The following C12orf42 variants were observed in gnomAD, a reference collection of about 807,000 sequenced individuals.
The protein encoded by C12orf42 is chromosome 12 open reading frame 42.
In C12orf42, 25 loss-of-function variants were observed where a neutral mutation model predicts 21.6. That is an observed-to-expected ratio of 1.16 (90% CI 0.84 to 1.62). The LOEUF (loss-of-function observed/expected upper bound fraction) is 1.62. Among genes scored for constraint, C12orf42 ranks in the 40% most tolerant of loss-of-function variants. The probability of loss-of-function intolerance (pLI) is 0.00; values close to 1 mark genes in which losing one functional copy is unlikely to be tolerated. For missense variants in C12orf42, 483 were observed against 459.3 expected (o/e 1.05, Z -0.47); for synonymous variants, 174 against 175.0 (o/e 0.99, Z 0.05).
At chr12:103,095,184 C>T in the C12orf42 span, among the ~76,000 whole-genome samples, 1 of 152,176 alleles carries the variant, frequency 6.6e-6, no homozygotes, top group Non-Finnish European at 1.5e-5. Context: ...AACACAGCAG[C>T]TGAAGTGATC....
At chr12:103,310,190 G>A (rs2038830642) in intron 4 of C12orf42, among the ~76,000 whole-genome samples, 1 of 152,172 alleles carries the variant, frequency 6.6e-6, no homozygotes, top group South Asian at 2.1e-4. Context: ...TCTTGTGATA[G>A]TGAGTGAGTT....
upstream of C12orf42, among the ~76,000 whole-genome samples, chr12:103,497,277 C>G (rs571338151): frequency 3.0e-4 from 45 of 152,186 alleles, no homozygotes; most frequent in Middle Eastern, 3.4e-3. Context: ...AAAATTCTAC[C>G]CACCATTTTA....
At chr12:103,334,796 A>C (rs2041546689) in intron 4 of C12orf42, among the ~76,000 whole-genome samples, 1 of 152,204 alleles carries the variant, frequency 6.6e-6, no homozygotes, top group Non-Finnish European at 1.5e-5. Context: ...TGCGCCAACC[A>C]CCATATGGCG....
At chr12:103,158,741 G>A in the C12orf42 span, among the ~76,000 whole-genome samples, 2,537 of 151,992 alleles carry the variant, frequency 0.017, 28 homozygotes, top group South Asian at 0.034. Context: ...TTAGCTGGGC[G>A]TGGTGGCAGG....
chr12:103,163,156 GC>G, the C12orf42 span, among the ~76,000 whole-genome samples: 1 of 152,170 alleles, frequency 6.6e-6, no homozygotes, highest in Non-Finnish European at 1.5e-5. Flanking sequence ...TGAACAAGGA[GC>G]AGTTGAATTA....
chr12:103,400,916 G>T (rs1362781032), intron 3 of C12orf42, among the ~76,000 whole-genome samples: 1 of 152,172 alleles, frequency 6.6e-6, no homozygotes, highest in Admixed American at 6.5e-5. Context: ...GGAAGGAAAT[G>T]AAGGTGATTA....
chr12:103,306,157 T>C lies in C12orf42; in HGVS notation c.448A>G (p.Thr150Ala). The stretch of plus-strand genomic sequence containing the variant: ...GGTGCTCCTCTGGCTCTCTCCTCAG[T>C]TTCTCCTCTGGCAGTAAAAATCAAT... The part of the protein sequence containing the change: ...APLIFTARGE[T>A]EERARGAPKQ... Residue 150 changes from threonine to alanine, a missense_variant, in exon 5 of 6, where the codon ACT (threonine) becomes GCT (alanine). Transcript: ENST00000548883. 2 of 1,613,916 alleles carry C rather than the reference T, an allele frequency of 1.2e-6. No homozygotes were observed. The highest frequency in any genetic ancestry group is 1.7e-6 in the Non-Finnish European group (2 of 1,179,866).
intron 3 of C12orf42, among the ~76,000 whole-genome samples, chr12:103,390,023 C>T (rs760652403): frequency 2.0e-5 from 3 of 152,160 alleles, no homozygotes; most frequent in Non-Finnish European, 4.4e-5. Flanking sequence ...TTGCTAGGTA[C>T]ACAACACTAG....
chr12:103,489,037 T>C (rs1360243316), intron 1 of C12orf42, among the ~76,000 whole-genome samples: 1 of 152,390 alleles, frequency 6.6e-6, no homozygotes, highest in East Asian at 1.9e-4. Context: ...ACTCTGATTT[T>C]AGAATTCTTA....
chr12:103,411,359 C>G (rs2048831363), intron 2 of C12orf42, among the ~76,000 whole-genome samples: 1 of 152,144 alleles, frequency 6.6e-6, no homozygotes, highest in African/African-American at 2.4e-5. Flanking sequence ...TGTATTCTTA[C>G]CATGACACTC....
At chr12:103,136,617 T>C in the C12orf42 span, among the ~76,000 whole-genome samples, 1 of 152,188 alleles carries the variant, frequency 6.6e-6, no homozygotes, top group Non-Finnish European at 1.5e-5. Flanking sequence ...AGCATCAGAC[T>C]ACCTGACTTC....
intron 4 of C12orf42, among the ~76,000 whole-genome samples, chr12:103,317,910 C>A (rs1432189697): frequency 6.6e-6 from 1 of 152,078 alleles, no homozygotes; most frequent in Non-Finnish European, 1.5e-5. Flanking sequence ...AGCCCCAGAC[C>A]CACCCAATTT....
intron 4 of C12orf42, among the ~76,000 whole-genome samples, chr12:103,318,531 AT>A (rs1265608620): frequency 2.2e-4 from 34 of 152,164 alleles, no homozygotes; most frequent in African/African-American, 8.2e-4. Flanking sequence ...TGTTTTTTGA[AT>A]TTTTGCCTCT....
At chr12:103,294,474 T>TAAGCAAGC (rs769684000) in intron 4 of C12orf42, among the ~76,000 whole-genome samples, 2,692 of 79,940 alleles carry the variant, frequency 0.034, 114 homozygotes, top group African/African-American at 0.11. Context: ...AAGAAAGAAA[T>TAAGCAAGC]AAGCAAGCAA....
chr12:103,328,005 G>C (rs1353793592), intron 4 of C12orf42, among the ~76,000 whole-genome samples: 2 of 152,204 alleles, frequency 1.3e-5, no homozygotes. Flanking sequence ...CTGAATTCAA[G>C]TGTGTAGAAG....
chr12:103,379,949 C>T (rs918953949), intron 3 of C12orf42, among the ~76,000 whole-genome samples: 2 of 152,068 alleles, frequency 1.3e-5, no homozygotes, highest in African/African-American at 2.4e-5. Flanking sequence ...AGAAGCCAAG[C>T]GATAATGCAG....
chr12:103,480,379 C>T (rs1250780520), intron 1 of C12orf42, among the ~76,000 whole-genome samples: 9 of 151,002 alleles, frequency 6.0e-5, no homozygotes, highest in Non-Finnish European at 7.4e-5. Flanking sequence ...TTAATTTTTT[C>T]AAAGCACAAA....
At chr12:103,219,850 T>C in the C12orf42 span, among the ~76,000 whole-genome samples, 1 of 152,200 alleles carries the variant, frequency 6.6e-6, no homozygotes, top group African/African-American at 2.4e-5. Context: ...GAAGACAGTG[T>C]GGCAATTCCT....
chr12:103,209,084 G>A, the C12orf42 span, among the ~76,000 whole-genome samples: 1 of 152,084 alleles, frequency 6.6e-6, no homozygotes, highest in Non-Finnish European at 1.5e-5. Context: ...AATCAAATTT[G>A]AGCATCATTA....
Sources: allele counts gnomAD v4.1 joint callset (sites outside exome capture counted in the v4.1 genomes callset), GRCh38; gene constraint gnomAD v4.1.1; transcripts MANE v1.5; gene names NCBI Gene and HGNC (gene_info 2026-07-23, HGNC 2026-07-21).